EEFSEC: variants seen among roughly 807,000 people sequenced by gnomAD.
EEFSEC encodes selenocysteine-specific elongation factor.
A neutral mutation model predicts 42.1 loss-of-function variants in EEFSEC; 43 were observed. The ratio of observed to expected loss-of-function variants is 1.02; its 90% CI spans 0.80 to 1.32. EEFSEC has a LOEUF of 1.32. Ranked by LOEUF, EEFSEC falls within the 40% of genes most tolerant of loss-of-function variation. EEFSEC has a pLI of 0.00. For missense variants in EEFSEC, 745 were observed against 803.6 expected (o/e 0.93, Z 0.88); for synonymous variants, 354 against 339.1 (o/e 1.04, Z -0.48).
At chr3:128,424,921 C>G in the EEFSEC span, among the ~76,000 whole-genome samples, 3 of 151,944 alleles carry the variant, frequency 2.0e-5, no homozygotes, top group Admixed American at 2.0e-4. Flanking sequence ...GAGACTGCGG[C>G]GGAAGTGGTC....
chr3:128,233,588 C>T (rs2065979956), intron 1 of EEFSEC, among the ~76,000 whole-genome samples: 1 of 152,244 alleles, frequency 6.6e-6, no homozygotes, highest in African/African-American at 2.4e-5. Context: ...CTCCCTCATG[C>T]TTCTGTTGAA....
intron 1 of EEFSEC, among the ~76,000 whole-genome samples, chr3:128,209,495 C>T (rs552294960): frequency 6.6e-6 from 1 of 152,298 alleles, no homozygotes; most frequent in Admixed American, 6.5e-5. Context: ...GGCTAGGCGC[C>T]AGTCTTACTC....
chr3:128,358,138 TG>T, intron 5 of EEFSEC, 78 bp from the exon 6 acceptor site: 1 of 1,549,838 alleles, frequency 6.5e-7, no homozygotes. Context: ...CCGGGAGAGC[TG>T]GGGCTAGGCA....
chr3:128,351,785 G>T (rs1016062789), intron 5 of EEFSEC, among the ~76,000 whole-genome samples: 1 of 152,232 alleles, frequency 6.6e-6, no homozygotes, highest in Non-Finnish European at 1.5e-5. Context: ...TGTGCACAGT[G>T]ACTGCTCCTC....
chr3:128,389,215 G>A (rs757585782), intron 6 of EEFSEC, among the ~76,000 whole-genome samples: 10 of 152,214 alleles, frequency 6.6e-5, no homozygotes, highest in Non-Finnish European at 1.3e-4. Context: ...GAGCAGCAAG[G>A]GTGCTGACAC....
intron 2 of EEFSEC, among the ~76,000 whole-genome samples, chr3:128,254,257 C>CA (rs1372185234): frequency 6.6e-6 from 1 of 152,180 alleles, no homozygotes; most frequent in Non-Finnish European, 1.5e-5. Context: ...TCTAGAAGGG[C>CA]ATGTGATGAC....
chr3:128,192,168 A>T (rs1385133006), intron 1 of EEFSEC, among the ~76,000 whole-genome samples: 5 of 152,306 alleles, frequency 3.3e-5, no homozygotes, highest in African/African-American at 1.2e-4. Flanking sequence ...CAAATGTCTT[A>T]CCAGCCTGGC....
rs530364179 is a variant in EEFSEC, at chr3:128,334,773, A to G, written c.787-6460A>G. Among the ~76,000 whole-genome samples the G allele has an allele frequency of 2.0e-5, 3 of 152,290 alleles. No individual in the cohort carries two copies. The South Asian group carries it at 6.2e-4, about 32-fold the overall frequency. On this transcript the variant is annotated intron_variant, in intron 4 of 6. Coordinates refer to ENST00000254730, the MANE Select transcript of EEFSEC (RefSeq NM_021937.5). ...AAGTGCTTGGTGCTGGAGGGATGGG[A>G]AGGATGTGAGGGAGAGCCTCTGCAA...
intron 6 of EEFSEC, among the ~76,000 whole-genome samples, chr3:128,363,268 C>T (rs1284045213): frequency 2.0e-5 from 3 of 152,218 alleles, no homozygotes; most frequent in Non-Finnish European, 4.4e-5. Flanking sequence ...AGTCTGTGCC[C>T]AGGGAGGTGT....
chr3:128,318,930 C>T (rs1321429929), intron 4 of EEFSEC, among the ~76,000 whole-genome samples: 1 of 152,170 alleles, frequency 6.6e-6, no homozygotes, highest in African/African-American at 2.4e-5. Flanking sequence ...CCCCATTGTA[C>T]CATGAAGACT....
intron 6 of EEFSEC, among the ~76,000 whole-genome samples, chr3:128,362,423 G>A (rs1309003765): frequency 6.6e-6 from 1 of 152,240 alleles, no homozygotes; most frequent in Non-Finnish European, 1.5e-5. Flanking sequence ...ATGTGCCCGT[G>A]ATCTTATCTC....
At chr3:128,397,092 C>A (rs980709732) in intron 6 of EEFSEC, among the ~76,000 whole-genome samples, 1 of 152,232 alleles carries the variant, frequency 6.6e-6, no homozygotes, top group African/African-American at 2.4e-5. Flanking sequence ...CCTGGCTCAG[C>A]CCCACTGCCC....
chr3:128,277,629 G>C (rs2066482622), intron 4 of EEFSEC, among the ~76,000 whole-genome samples: 1 of 152,218 alleles, frequency 6.6e-6, no homozygotes, highest in African/African-American at 2.4e-5. Context: ...TGTCAGCTGT[G>C]GTGTTTGTGA....
Position 128,394,301 on chromosome 3 carries a change from G to T in EEFSEC, c.1601-13768G>T, listed in dbSNP as rs566166704. ...CCTGCCCTTCCCCTGTCAGCAAGAG[G>T]ACAGCCAGCACCGCCGCCTGCCCAC... On this transcript the variant is annotated intron_variant, in intron 6 of 6. Transcript: ENST00000254730. 1.7e-3 allele frequency among the ~76,000 whole-genome samples: 254 copies of T among 152,338 alleles called. 1 individual carries two copies. Among genetic ancestry groups the T allele is most frequent in the African/African-American group, 5.7e-3 (239 of 41,566 alleles).
chr3:128,284,823 C>T (rs1046425185), intron 4 of EEFSEC, among the ~76,000 whole-genome samples: 2 of 152,108 alleles, frequency 1.3e-5, no homozygotes, highest in Non-Finnish European at 2.9e-5. Flanking sequence ...CATGTCTACA[C>T]GGCTGTTCCC....
Position 128,200,063 on chromosome 3 carries a change from C to T in EEFSEC, c.316+46240C>T, listed in dbSNP as rs145791591. ...AATATTATTTTAAGTGAGTTACCAC[C>T]GAGGAAAAGTAAAGCTTTGTCTAAA... is the stretch of plus-strand genomic sequence containing the variant. On this transcript the variant is annotated intron_variant, in intron 1 of 6. Coordinates refer to ENST00000254730, the MANE Select transcript of EEFSEC (RefSeq NM_021937.5). Among the ~76,000 whole-genome samples the T allele has an allele frequency of 1.3e-3, 199 of 151,734 alleles. 1 individual carries two copies. The highest frequency in any genetic ancestry group is 1.4e-3 in the Admixed American group (21 of 15,244).
At chr3:128,217,111 C>T (rs1000595505) in intron 1 of EEFSEC, among the ~76,000 whole-genome samples, 1 of 152,178 alleles carries the variant, frequency 6.6e-6, no homozygotes, top group African/African-American at 2.4e-5. Context: ...CCTTTAATCT[C>T]ACCTCTGTAG....
rs568691130 is a variant in EEFSEC at position 128,300,062 on chromosome 3, C to G, written c.786+35281C>G. Among the ~76,000 whole-genome samples, 6 of 152,268 alleles carry G rather than the reference C, an allele frequency of 3.9e-5. No homozygotes were observed. The East Asian group carries it at 1.2e-3, about 29-fold the overall frequency. On this transcript the variant is annotated intron_variant, in intron 4 of 6. Coordinates refer to ENST00000254730, the MANE Select transcript of EEFSEC (RefSeq NM_021937.5). ...TGATGTTCACTGGTGGTAGTCAGCT[C>G]CCCGGCAGAGCAGACCCCCAGCTTG...
intron 1 of EEFSEC, among the ~76,000 whole-genome samples, chr3:128,230,875 C>G (rs2065953073): frequency 6.6e-6 from 1 of 152,152 alleles, no homozygotes; most frequent in East Asian, 1.9e-4. Context: ...AGATGGAGGA[C>G]TCCAGGAAGT....
Sources: gnomAD v4.1 joint callset for allele counts (sites outside exome capture counted in the v4.1 genomes callset) on GRCh38, gnomAD v4.1.1 for gene constraint, MANE v1.5 for transcripts, NCBI Gene and HGNC (gene_info 2026-07-23, HGNC 2026-07-21) for gene names.